ATP2B2: variants seen among roughly 807,000 people sequenced by gnomAD.
The protein encoded by ATP2B2 is ATPase plasma membrane Ca2+ transporting 2.
ATP2B2 carries 15 observed loss-of-function variants against 120.0 expected under a neutral mutation model. The observed-to-expected ratio is 0.12, with a 90% CI of 0.08 to 0.19. The LOEUF is 0.19. Ranked by LOEUF, ATP2B2 falls within the 10% of genes least tolerant of loss-of-function variation. ATP2B2 has a pLI of 1.00. For missense variants in ATP2B2, 1,045 were observed against 1,719.8 expected, an observed-to-expected ratio of 0.61 and a Z score of 6.94; for synonymous variants, 694 against 700.3, an observed-to-expected ratio of 0.99 and a Z score of 0.14.
chr3:10,340,741 T>C lies in ATP2B2; in HGVS notation c.2918-37A>G, dbSNP rs2060251630. ...GAGAGTGGGGCTGGGCTGAAGGCAG[T>C]GGTGGGGGAATCAGAGGGGAGATGC... On this transcript the variant is annotated intron_variant, in intron 19 of 22. Transcript: ENST00000360273. The surrounding 1 kb of genome is among the most constrained non-coding windows in gnomAD (Gnocchi z 5.0). 3.1e-6 allele frequency: 5 copies of C among 1,609,436 alleles called. No individual in the cohort carries two copies. Among genetic ancestry groups the C allele is most frequent in the Non-Finnish European group, 4.3e-6 (5 of 1,176,248 alleles).
chr3:10,672,647 G>T (rs2071130312), intron 1 of ATP2B2, among the ~76,000 whole-genome samples: 1 of 152,234 alleles, frequency 6.6e-6, no homozygotes, highest in South Asian at 2.1e-4. Context: ...CAGATTACTG[G>T]CCACCGAGCA....
intron 2 of ATP2B2, among the ~76,000 whole-genome samples, chr3:10,419,799 T>C (rs1337708760): frequency 2.0e-5 from 3 of 152,242 alleles, no homozygotes; most frequent in Non-Finnish European, 4.4e-5. Context: ...CCTGCCCTGT[T>C]CCAGCCTGAT....
intron 2 of ATP2B2, among the ~76,000 whole-genome samples, chr3:10,425,035 A>T (rs2063102929): frequency 1.3e-5 from 2 of 152,214 alleles, no homozygotes; most frequent in South Asian, 4.2e-4. Flanking sequence ...TCACACCTGT[A>T]ATCCCAGCAC....
At chr3:10,537,861 T>C (rs957513302) in intron 2 of ATP2B2, among the ~76,000 whole-genome samples, 2 of 152,200 alleles carry the variant, frequency 1.3e-5, no homozygotes, top group Non-Finnish European at 2.9e-5. Flanking sequence ...TTATGACGAA[T>C]GGGTGTTGAA....
intron 1 of ATP2B2, among the ~76,000 whole-genome samples, chr3:10,646,415 C>T (rs2070322418): frequency 6.6e-6 from 1 of 152,252 alleles, no homozygotes; most frequent in South Asian, 2.1e-4. Context: ...CCCAAGTCAG[C>T]CTGGATGCTT....
rs549621279 is a variant in ATP2B2, at chr3:10,390,512, G to GTC, written c.782-2111_782-2110insGA. 6.0e-4 allele frequency among the ~76,000 whole-genome samples: 91 copies of GTC among 151,832 alleles called. 1 individual carries two copies. The highest frequency in any genetic ancestry group is 2.2e-3 in the African/African-American group (89 of 41,332). ...CGTGCATGCTTTTGTGTGTGTGTGT[G>GTC]TGTGTGTGTGTGCGCTTGCAACAAT... On this transcript the variant is annotated intron_variant, in intron 5 of 22. Transcript: ENST00000360273.
chr3:10,366,337 T>C (rs1381949584), intron 12 of ATP2B2, among the ~76,000 whole-genome samples: 2 of 152,210 alleles, frequency 1.3e-5, no homozygotes, highest in African/African-American at 4.8e-5. Flanking sequence ...TCTGGGGTTA[T>C]TGGCCTCGTG....
At chr3:10,628,418 C>T (rs75204560) in intron 1 of ATP2B2, among the ~76,000 whole-genome samples, 2,917 of 152,300 alleles carry the variant, frequency 0.019, 41 homozygotes, top group East Asian at 0.037. Context: ...CAAGCTCTGG[C>T]GAATGATTAA....
Position 10,324,928 on chromosome 3 carries a change from G to A in ATP2B2, c.*3886C>T, listed in dbSNP as rs1021994330. On this transcript the variant is annotated 3_prime_UTR_variant, in exon 23 of 23. Transcript: ENST00000360273. ...GGCCTAGGAGAGACTCCTCTTTCTCGTCTGGACCAGGGACAGATGGCGGGT... is the reference window on the plus strand; with the variant it reads ...GGCCTAGGAGAGACTCCTCTTTCTCATCTGGACCAGGGACAGATGGCGGGT... 3 of 152,304 alleles carry A rather than the reference G, an allele frequency of 2.0e-5. No individual in the cohort carries two copies. The highest frequency in any genetic ancestry group is 2.9e-5 in the Non-Finnish European group (2 of 68,036). The allele number at this position is 152,304 out of a possible 1,614,324, so 9.4% of individuals were successfully genotyped here.
chr3:10,549,510 A>C (rs2067622682), intron 2 of ATP2B2, among the ~76,000 whole-genome samples: 1 of 152,242 alleles, frequency 6.6e-6, no homozygotes. Flanking sequence ...GATGATGGCG[A>C]CACTGGTGCT....
At chr3:10,597,413 T>C (rs1462653560) in intron 2 of ATP2B2, among the ~76,000 whole-genome samples, 1 of 151,924 alleles carries the variant, frequency 6.6e-6, no homozygotes, top group African/African-American at 2.4e-5. Flanking sequence ...ACAGGCACAG[T>C]GTCTCAGGAC....
chr3:10,384,478 T>C (rs1196780369), intron 8 of ATP2B2, among the ~76,000 whole-genome samples: 1 of 152,140 alleles, frequency 6.6e-6, no homozygotes, highest in Non-Finnish European at 1.5e-5. Flanking sequence ...TGTCTGTTGC[T>C]CTGAAGCCAG....
At chr3:10,350,959 A>G (rs892795026) in intron 14 of ATP2B2, among the ~76,000 whole-genome samples, 1 of 152,130 alleles carries the variant, frequency 6.6e-6, no homozygotes, top group African/African-American at 2.4e-5. Flanking sequence ...GGCCAGGTGA[A>G]CTTCTCTTTG....
intron 2 of ATP2B2, among the ~76,000 whole-genome samples, chr3:10,587,336 G>A (rs199980359): frequency 3.3e-5 from 5 of 151,020 alleles, no homozygotes; most frequent in Admixed American, 6.6e-5. Context: ...CAATATATAT[G>A]TATATATATA....
intron 14 of ATP2B2, among the ~76,000 whole-genome samples, chr3:10,355,051 G>A (rs2060675595): frequency 6.6e-6 from 1 of 152,260 alleles, no homozygotes; most frequent in South Asian, 2.1e-4. Context: ...GAACCAGGGG[G>A]CTAGAGGGGG....
intron 2 of ATP2B2, among the ~76,000 whole-genome samples, chr3:10,583,907 T>C (rs2068447936): frequency 6.6e-6 from 1 of 152,184 alleles, no homozygotes; most frequent in Non-Finnish European, 1.5e-5. Context: ...CAGCAAATAC[T>C]GGAAAGCAAA....
intron 1 of ATP2B2, among the ~76,000 whole-genome samples, chr3:10,651,700 G>A (rs1253149854): frequency 6.6e-6 from 1 of 151,138 alleles, no homozygotes; most frequent in Non-Finnish European, 1.5e-5. Flanking sequence ...TGGATGGAAG[G>A]GTGAATGGAT....
intron 8 of ATP2B2, among the ~76,000 whole-genome samples, chr3:10,379,856 C>T (rs1431279186): frequency 6.6e-6 from 1 of 151,950 alleles, no homozygotes; most frequent in East Asian, 1.9e-4. Flanking sequence ...CAATGTGTTC[C>T]TTAGTTTTGG....
At chr3:10,457,632 CATG>C (rs1017684728) in intron 1 of ATP2B2, among the ~76,000 whole-genome samples, 3 of 152,008 alleles carry the variant, frequency 2.0e-5, no homozygotes, top group Non-Finnish European at 2.9e-5. Flanking sequence ...GTGCAAGCCC[CATG>C]ATGTGTGAGT....
Sources: gnomAD v4.1 joint callset for allele counts (sites outside exome capture counted in the v4.1 genomes callset) on GRCh38, gnomAD v4.1.1 for gene constraint, Gnocchi (gnomAD v3.1) non-coding constraint, MANE v1.5 for transcripts, NCBI Gene and HGNC (gene_info 2026-07-23, HGNC 2026-07-21) for gene names.